Variants in TANC2 observed in about 807,000 individuals in gnomAD.
TANC2 encodes the protein tetratricopeptide repeat, ankyrin repeat and coiled-coil containing 2.
In TANC2, 26 loss-of-function variants were observed where a neutral mutation model predicts 210.5. The observed-to-expected ratio is 0.12, with a 90% CI of 0.09 to 0.17. TANC2 has a LOEUF of 0.17. TANC2 is among the 10% of genes least tolerant of loss of function. The pLI is 1.00. For missense variants in TANC2, 2,129 were observed against 2,608.9 expected (o/e 0.82, Z 4.01); for synonymous variants, 931 against 967.1 (o/e 0.96, Z 0.69).
rs186521495 is a variant in TANC2 at position 63,128,343 on chromosome 17, C to T, written c.323-22927C>T. Reference sequence around the variant, plus strand: ...ATTATATGCCTGTATCAAAATAACTCATACGCCCCACAAATGTATATGCCT... The same window carrying T: ...ATTATATGCCTGTATCAAAATAACTTATACGCCCCACAAATGTATATGCCT... On this transcript the variant is annotated intron_variant, in intron 4 of 27. Transcript: ENST00000689528. Among the ~76,000 whole-genome samples the T allele has an allele frequency of 3.3e-5, 5 of 152,228 alleles. No individual in the cohort carries two copies. In the East Asian group the frequency reaches 9.7e-4, roughly 29 times the overall value.
intron 1 of TANC2, chr17:63,005,220 AT>A (rs1568310690): frequency 6.6e-6 from 1 of 152,234 alleles, no homozygotes; most frequent in Non-Finnish European, 1.5e-5. Flanking sequence ...CCTTTTACCT[AT>A]TAATGACTTG....
chr17:63,220,247 A>C (rs1275779672), intron 7 of TANC2, among the ~76,000 whole-genome samples: 1 of 151,908 alleles, frequency 6.6e-6, no homozygotes, highest in African/African-American at 2.4e-5. Flanking sequence ...GGGAGCCAAG[A>C]TCGTGCCATT....
At chr17:63,216,775 A>G (rs564075240) in intron 7 of TANC2, among the ~76,000 whole-genome samples, 1 of 152,342 alleles carries the variant, frequency 6.6e-6, no homozygotes, top group East Asian at 1.9e-4. Flanking sequence ...CCACCCAAAA[A>G]CAGCAGAGTA....
intron 4 of TANC2, among the ~76,000 whole-genome samples, chr17:63,146,912 T>C (rs2039479963): frequency 6.6e-6 from 1 of 152,180 alleles, no homozygotes; most frequent in South Asian, 2.1e-4. Context: ...ATAGATAGTA[T>C]TGTTATTTCT....
chr17:63,120,963 T>C (rs2038452345), intron 4 of TANC2, among the ~76,000 whole-genome samples: 1 of 152,080 alleles, frequency 6.6e-6, no homozygotes, highest in Non-Finnish European at 1.5e-5. Context: ...ATGTAAACTC[T>C]TAGGTTTTTT....
At chr17:63,328,152 C>G (rs1449972785) in intron 11 of TANC2, among the ~76,000 whole-genome samples, 1 of 152,006 alleles carries the variant, frequency 6.6e-6, no homozygotes, top group Non-Finnish European at 1.5e-5. Flanking sequence ...TACACATGGA[C>G]ACAAGAAAGA....
chr17:63,107,052 T>C (rs1001457544), intron 4 of TANC2, among the ~76,000 whole-genome samples: 2 of 151,674 alleles, frequency 1.3e-5, no homozygotes, highest in Non-Finnish European at 2.9e-5. Flanking sequence ...AAGTCATTGA[T>C]ACTTTTAAGA....
intron 7 of TANC2, among the ~76,000 whole-genome samples, chr17:63,209,193 T>G (rs971809921): frequency 1.6e-4 from 24 of 151,932 alleles, no homozygotes; most frequent in Admixed American, 1.1e-3. Flanking sequence ...TATTTTTTTT[T>G]GTAGAGACAG....
At chr17:63,183,891 C>T (rs886472033) in intron 5 of TANC2, among the ~76,000 whole-genome samples, 1 of 152,054 alleles carries the variant, frequency 6.6e-6, no homozygotes, top group African/African-American at 2.4e-5. Flanking sequence ...GTGGCGGGCA[C>T]CTGTAGTCCC....
chr17:63,109,401 C>T (rs2037948613), intron 4 of TANC2, among the ~76,000 whole-genome samples: 1 of 151,480 alleles, frequency 6.6e-6, no homozygotes, highest in Admixed American at 6.6e-5. Context: ...TAAGGGAATA[C>T]AGCATATAGC....
chr17:63,099,755 A>G (rs1305515561), intron 4 of TANC2, among the ~76,000 whole-genome samples: 1 of 152,112 alleles, frequency 6.6e-6, no homozygotes, highest in Non-Finnish European at 1.5e-5. Flanking sequence ...GTCGTATTTT[A>G]TTTGAAATTG....
rs555571867 is a variant in TANC2 at position 63,348,370 on chromosome 17, G to A, written c.1808-2880G>A. ...AATACATGTAAGTGGAGGCAGTGGGGAATCCCTGGTGAACGTGTATTTACA... is the reference window on the plus strand; with the variant it reads ...AATACATGTAAGTGGAGGCAGTGGGAAATCCCTGGTGAACGTGTATTTACA... On this transcript the variant is annotated intron_variant, in intron 12 of 27. Coordinates refer to ENST00000689528, the Ensembl canonical transcript of TANC2. 3.9e-5 allele frequency among the ~76,000 whole-genome samples: 6 copies of A among 152,270 alleles called. No individual in the cohort carries two copies. In the East Asian group the frequency reaches 1.2e-3, roughly 29 times the overall value.
intron 3 of TANC2, among the ~76,000 whole-genome samples, chr17:63,085,799 T>G (rs532806902): frequency 4.6e-5 from 7 of 152,278 alleles, no homozygotes; most frequent in Admixed American, 1.3e-4. Flanking sequence ...TTAGAACAAT[T>G]AAGAATTTTT....
At chr17:63,114,068 G>T (rs1383350548) in intron 4 of TANC2, among the ~76,000 whole-genome samples, 1 of 152,170 alleles carries the variant, frequency 6.6e-6, no homozygotes, top group Non-Finnish European at 1.5e-5. Context: ...GATTTGATAT[G>T]TGTATCTTAT....
chr17:63,311,508 C>T (rs1277382840), intron 9 of TANC2, among the ~76,000 whole-genome samples: 1 of 152,128 alleles, frequency 6.6e-6, no homozygotes, highest in Admixed American at 6.5e-5. Flanking sequence ...ATCTACTATC[C>T]CTCAGTTTTC....
At position 63,200,755 on chromosome 17, in the gene TANC2, G is replaced by C; in HGVS notation, c.583-16G>C. 1.2e-6 allele frequency: 2 copies of C among 1,604,190 alleles called. No homozygotes were observed. Among genetic ancestry groups the C allele is most frequent in the Non-Finnish European group, 1.7e-6 (2 of 1,175,138 alleles). On this transcript the variant is annotated splice_polypyrimidine_tract_variant and intron_variant, in intron 6 of 27. Transcript: ENST00000689528. Reference sequence around the variant, plus strand: ...TGATCAGGTTATCTTACTTATTCATGATTCCAATTTTTCAGACCTCAGCAA... The same window carrying C: ...TGATCAGGTTATCTTACTTATTCATCATTCCAATTTTTCAGACCTCAGCAA...
chr17:63,308,014 C>T lies in TANC2; in HGVS notation c.1160-6374C>T, dbSNP rs1598821925. Among the ~76,000 whole-genome samples the T allele has an allele frequency of 3.9e-5, 6 of 152,252 alleles. 1 individual carries two copies. The highest frequency in any genetic ancestry group is 3.9e-4 in the Admixed American group (6 of 15,282). On this transcript the variant is annotated intron_variant, in intron 9 of 27. Coordinates refer to ENST00000689528, the Ensembl canonical transcript of TANC2. ...TCTCCTGACCTTGTGATCTGCCCGC[C>T]TCGGCCTCCCAAAGTGCTGGGATTA...
chr17:63,092,812 C>T (rs947170839), intron 3 of TANC2, among the ~76,000 whole-genome samples: 6 of 152,090 alleles, frequency 3.9e-5, no homozygotes, highest in Non-Finnish European at 7.4e-5. Flanking sequence ...GGCCCACCTT[C>T]AGTATTGGTG....
rs190823014 is a variant in TANC2 at position 63,332,090 on chromosome 17, C to A, written c.1576-8011C>A. On this transcript the variant is annotated intron_variant, in intron 11 of 27. Coordinates refer to ENST00000689528, the Ensembl canonical transcript of TANC2. ...AGTCTTCCTGAATAATTTCATCCTC[C>A]CCTGTTACCGAGGTACCACAGGAGA... The A allele has an allele frequency of 1.7e-4, 58 of 340,970 alleles. No homozygotes were observed. In the East Asian group the frequency reaches 3.1e-3, roughly 18 times the overall value. 21.1% of individuals were successfully genotyped at this position (340,970 alleles called of 1,614,324 possible).
Sources: allele counts gnomAD v4.1 joint callset (sites outside exome capture counted in the v4.1 genomes callset), GRCh38; gene constraint gnomAD v4.1.1; transcripts MANE v1.5; gene names NCBI Gene and HGNC (gene_info 2026-07-23, HGNC 2026-07-21).